Variants in LYPLAL1 observed in about 807,000 individuals in gnomAD.
LYPLAL1 encodes lysophospholipase-like protein 1.
A neutral mutation model predicts 19.7 loss-of-function variants in LYPLAL1; 23 were observed. That is an observed-to-expected ratio of 1.17 (90% confidence interval 0.84 to 1.65). LYPLAL1 has a LOEUF of 1.65. Among genes scored for constraint, LYPLAL1 ranks in the 40% most tolerant of loss-of-function variants. The pLI is 0.00. For synonymous variants in LYPLAL1, 119 were observed against 96.3 expected (o/e 1.24, Z -1.38); for missense variants, 355 against 279.4 (o/e 1.27, Z -1.93).
At chr1:219,437,922 A>C in the LYPLAL1 span, among the ~76,000 whole-genome samples, 1 of 151,754 alleles carries the variant, frequency 6.6e-6, no homozygotes, top group African/African-American at 2.4e-5. Flanking sequence ...GCCCACCACC[A>C]CGCCTGGCTA....
the LYPLAL1 span, among the ~76,000 whole-genome samples, chr1:219,287,369 G>A: frequency 6.6e-6 from 1 of 152,130 alleles, no homozygotes; most frequent in East Asian, 1.9e-4. Context: ...GTCCCAGGTA[G>A]GATTTGAAAA....
At chr1:219,391,553 T>C in the LYPLAL1 span, among the ~76,000 whole-genome samples, 1 of 151,464 alleles carries the variant, frequency 6.6e-6, no homozygotes, top group East Asian at 1.9e-4. Context: ...CTGAGTCAAT[T>C]GGTAGATACA....
At chr1:219,422,834 C>A in the LYPLAL1 span, among the ~76,000 whole-genome samples, 2 of 152,112 alleles carry the variant, frequency 1.3e-5, no homozygotes, top group Non-Finnish European at 2.9e-5. Flanking sequence ...GAGTTACAGA[C>A]CTATGAAAAT....
chr1:219,369,510 A>C, the LYPLAL1 span, among the ~76,000 whole-genome samples: 4 of 152,342 alleles, frequency 2.6e-5, no homozygotes, highest in African/African-American at 9.6e-5. Flanking sequence ...CTGACCTTGT[A>C]ATCCGCCTGC....
At chr1:219,271,911 T>C in the LYPLAL1 span, 1 of 152,166 alleles carries the variant, frequency 6.6e-6, no homozygotes, top group African/African-American at 2.4e-5. Flanking sequence ...TCCAAGGCAG[T>C]CTGTGAAAAC....
the LYPLAL1 span, among the ~76,000 whole-genome samples, chr1:219,310,709 A>G: frequency 6.6e-6 from 1 of 152,234 alleles, no homozygotes; most frequent in Non-Finnish European, 1.5e-5. Flanking sequence ...ATTTGTCTTC[A>G]TGATTTTCAT....
chr1:219,402,662 T>G, the LYPLAL1 span, among the ~76,000 whole-genome samples: 1 of 147,674 alleles, frequency 6.8e-6, no homozygotes, highest in South Asian at 2.2e-4. Context: ...AAAAAAAAGC[T>G]AATGAAAAAA....
chr1:219,230,495 A>C, the LYPLAL1 span, among the ~76,000 whole-genome samples: 1 of 152,238 alleles, frequency 6.6e-6, no homozygotes, highest in Non-Finnish European at 1.5e-5. Context: ...AGAGAAAATT[A>C]GTTTCTGTGG....
At chr1:219,276,910 G>A in the LYPLAL1 span, among the ~76,000 whole-genome samples, 1 of 152,146 alleles carries the variant, frequency 6.6e-6, no homozygotes, top group African/African-American at 2.4e-5. Context: ...TGGTAGGATT[G>A]GTGGTGAATG....
chr1:219,349,234 C>G, the LYPLAL1 span, among the ~76,000 whole-genome samples: 9 of 152,244 alleles, frequency 5.9e-5, no homozygotes, highest in African/African-American at 2.2e-4. Context: ...AAAGTATTCC[C>G]AGAGAAATCC....
the LYPLAL1 span, among the ~76,000 whole-genome samples, chr1:219,393,431 C>T: frequency 3.3e-5 from 5 of 152,148 alleles, no homozygotes; most frequent in African/African-American, 1.2e-4. Flanking sequence ...TTCATAGCCA[C>T]CCTGGATGCC....
chr1:219,383,993 C>T, the LYPLAL1 span, among the ~76,000 whole-genome samples: 1 of 152,222 alleles, frequency 6.6e-6, no homozygotes, highest in African/African-American at 2.4e-5. Flanking sequence ...CACCACTCCC[C>T]TCCTCTTCCC....
At chr1:219,281,729 A>G in the LYPLAL1 span, among the ~76,000 whole-genome samples, 2,421 of 152,260 alleles carry the variant, frequency 0.016, 18 homozygotes, top group Non-Finnish European at 0.023. Flanking sequence ...TGCTCCCAGG[A>G]TGCCAATTGT....
chr1:219,305,806 A>G, the LYPLAL1 span, among the ~76,000 whole-genome samples: 1 of 152,128 alleles, frequency 6.6e-6, no homozygotes, highest in African/African-American at 2.4e-5. Flanking sequence ...GGAAATGAGG[A>G]TCCATATATG....
At chr1:219,383,031 T>C in the LYPLAL1 span, among the ~76,000 whole-genome samples, 1 of 152,194 alleles carries the variant, frequency 6.6e-6, no homozygotes, top group Non-Finnish European at 1.5e-5. Flanking sequence ...TCTTAAATTA[T>C]GTGTCTAGAA....
chr1:219,226,021 C>T, the LYPLAL1 span, among the ~76,000 whole-genome samples: 10 of 152,306 alleles, frequency 6.6e-5, no homozygotes, highest in Admixed American at 1.3e-4. Context: ...TTTTGAGTGA[C>T]GCAATGCCTT....
the LYPLAL1 span, among the ~76,000 whole-genome samples, chr1:219,293,395 T>C: frequency 8.2e-4 from 125 of 152,316 alleles, 2 homozygotes; most frequent in African/African-American, 2.9e-3. Context: ...TCCCCAAATT[T>C]ATAATTTTAG....
chr1:219,386,041 T>C, the LYPLAL1 span, among the ~76,000 whole-genome samples: 1 of 152,090 alleles, frequency 6.6e-6, no homozygotes, highest in Non-Finnish European at 1.5e-5. Context: ...AAGCATGCAA[T>C]GTCCGGAGCT....
chr1:219,232,963 T>G, the LYPLAL1 span, among the ~76,000 whole-genome samples: 22 of 151,846 alleles, frequency 1.4e-4, no homozygotes, highest in African/African-American at 4.8e-4. Context: ...GCTGCCACCA[T>G]GGAAAACAAT....
Sources: allele counts gnomAD v4.1 joint callset (sites outside exome capture counted in the v4.1 genomes callset), GRCh38; gene constraint gnomAD v4.1.1; transcripts MANE v1.5; gene names NCBI Gene and HGNC (gene_info 2026-07-23, HGNC 2026-07-21).